The following ELMO1 variants were observed in gnomAD, a reference collection of about 807,000 sequenced individuals.
ELMO1 encodes the protein engulfment and cell motility 1, also known as engulfment and cell motility protein 1.
ELMO1 carries 26 observed loss-of-function variants against 98.9 expected under a neutral mutation model. That is an observed-to-expected ratio of 0.26 (90% CI 0.19 to 0.36). ELMO1 has a LOEUF of 0.36. Among genes scored for constraint, ELMO1 ranks in the 10% least tolerant of loss-of-function variants. The probability of loss-of-function intolerance (pLI) is 1.00; values close to 1 mark genes in which losing one functional copy is unlikely to be tolerated. For synonymous variants in ELMO1, 346 were observed against 346.0 expected, an observed-to-expected ratio of 1.00 and a Z score of 0.00; for missense variants, 627 against 935.2, an observed-to-expected ratio of 0.67 and a Z score of 4.30.
chr7:37,034,405 T>TA (rs945853978), intron 15 of ELMO1, among the ~76,000 whole-genome samples: 4 of 152,184 alleles, frequency 2.6e-5, no homozygotes, highest in Non-Finnish European at 4.4e-5. Flanking sequence ...ATGATTTTTT[T>TA]AAAAAATTAT....
intron 15 of ELMO1, among the ~76,000 whole-genome samples, chr7:37,014,487 A>G (rs1793782294): frequency 6.6e-6 from 1 of 152,138 alleles, no homozygotes; most frequent in Non-Finnish European, 1.5e-5. Context: ...GGTTTGTTAC[A>G]TAGGTATATA....
chr7:37,404,361 T>C (rs1803663470), intron 1 of ELMO1, among the ~76,000 whole-genome samples: 1 of 152,124 alleles, frequency 6.6e-6, no homozygotes, highest in Admixed American at 6.5e-5. Flanking sequence ...TGCGCCATGA[T>C]TTCTATGGGT....
At chr7:37,276,567 C>T (rs893914741) in intron 4 of ELMO1, among the ~76,000 whole-genome samples, 5 of 152,280 alleles carry the variant, frequency 3.3e-5, no homozygotes, top group East Asian at 1.9e-4. Context: ...GCCGAGATTA[C>T]GCCACTGCAC....
At chr7:37,072,325 A>T (rs1351228734) in intron 15 of ELMO1, among the ~76,000 whole-genome samples, 2 of 152,282 alleles carry the variant, frequency 1.3e-5, no homozygotes, top group African/African-American at 2.4e-5. Flanking sequence ...TGCTGTTCTC[A>T]TTATAGTAAA....
intron 10 of ELMO1, among the ~76,000 whole-genome samples, chr7:37,219,790 A>G (rs1793493645): frequency 6.6e-6 from 1 of 152,238 alleles, no homozygotes; most frequent in Non-Finnish European, 1.5e-5. Context: ...AAACAGAAAT[A>G]ATGTGGCTTT....
chr7:36,952,670 T>G (rs761727748), intron 16 of ELMO1, among the ~76,000 whole-genome samples: 2 of 152,114 alleles, frequency 1.3e-5, no homozygotes, highest in African/African-American at 4.8e-5. Flanking sequence ...GAAGCGGGAA[T>G]TGTAATGATG....
At chr7:36,960,606 C>T (rs575034772) in intron 16 of ELMO1, among the ~76,000 whole-genome samples, 2 of 152,006 alleles carry the variant, frequency 1.3e-5, no homozygotes, top group African/African-American at 4.8e-5. Context: ...CCATCCCCCC[C>T]ACTCACTCAC....
At chr7:36,965,159 T>G (rs1295763138) in intron 16 of ELMO1, among the ~76,000 whole-genome samples, 1 of 152,244 alleles carries the variant, frequency 6.6e-6, no homozygotes, top group Non-Finnish European at 1.5e-5. Flanking sequence ...CCTTTCCCCA[T>G]GAGTTCTCTC....
chr7:37,298,479 G>T (rs1345177670), intron 4 of ELMO1, among the ~76,000 whole-genome samples: 1 of 135,664 alleles, frequency 7.4e-6, no homozygotes, highest in African/African-American at 2.8e-5. Flanking sequence ...ACAGTCCCCA[G>T]AGTGTGATAT....
At chr7:37,356,496 T>C (rs1801500915) in intron 1 of ELMO1, among the ~76,000 whole-genome samples, 1 of 152,114 alleles carries the variant, frequency 6.6e-6, no homozygotes, top group African/African-American at 2.4e-5. Context: ...CTGGAAACCA[T>C]TATTCTCAGC....
intron 4 of ELMO1, among the ~76,000 whole-genome samples, chr7:37,305,208 A>T (rs1798548527): frequency 6.6e-6 from 1 of 152,240 alleles, no homozygotes; most frequent in African/African-American, 2.4e-5. Flanking sequence ...TCACTTTCTC[A>T]AAATTGAGCA....
intron 1 of ELMO1, among the ~76,000 whole-genome samples, chr7:37,408,816 A>G (rs561366455): frequency 6.6e-6 from 1 of 152,320 alleles, no homozygotes; most frequent in Non-Finnish European, 1.5e-5. Context: ...CTCACAATGA[A>G]AAAGCTCTAG....
chr7:37,185,473 T>C (rs938062610), intron 13 of ELMO1, among the ~76,000 whole-genome samples: 1 of 152,222 alleles, frequency 6.6e-6, no homozygotes, highest in African/African-American at 2.4e-5. Context: ...GTCCACTTTC[T>C]GGGCAGGGGC....
chr7:37,220,763 C>T (rs1341914796), intron 10 of ELMO1, among the ~76,000 whole-genome samples: 1 of 152,114 alleles, frequency 6.6e-6, no homozygotes, highest in Non-Finnish European at 1.5e-5. Flanking sequence ...GTGAAATGGC[C>T]TTTAGAGTGG....
At chr7:37,405,650 C>T (rs6977706) in intron 1 of ELMO1, among the ~76,000 whole-genome samples, 45,709 of 151,994 alleles carry the variant, frequency 0.3, 7,146 homozygotes, top group South Asian at 0.35. Flanking sequence ...CTCAAGGCGT[C>T]GGGCTTGTTA....
chr7:37,222,559 T>C (rs370041996), intron 10 of ELMO1, 56 bp downstream of exon 10: 107 of 1,553,902 alleles, frequency 6.9e-5, no homozygotes, highest in Middle Eastern at 1.7e-4. Flanking sequence ...GGGCGTTCTC[T>C]GCACACAAAG....
At chr7:37,316,058 A>C in intron 2 of ELMO1, 98 bp from the exon 3 acceptor site, 1 of 976,226 alleles carries the variant, frequency 1.0e-6, no homozygotes, top group Non-Finnish European at 1.5e-6. Context: ...CTAAGCAAAG[A>C]GAATTTACAT....
intron 13 of ELMO1, among the ~76,000 whole-genome samples, chr7:37,148,200 T>C (rs967846358): frequency 6.6e-6 from 1 of 152,228 alleles, no homozygotes; most frequent in Admixed American, 6.5e-5. Context: ...ATACATTTCA[T>C]CCAAAGATGT....
intron 15 of ELMO1, 38 bp downstream of exon 15, chr7:37,096,581 G>T: frequency 6.4e-7 from 1 of 1,573,128 alleles, no homozygotes; most frequent in Non-Finnish European, 8.7e-7. Context: ...CTGGGACTCT[G>T]CCAGCTTCAC....
Sources: gnomAD v4.1 joint callset for allele counts (sites outside exome capture counted in the v4.1 genomes callset) on GRCh38, gnomAD v4.1.1 for gene constraint, MANE v1.5 for transcripts, NCBI Gene and HGNC (gene_info 2026-07-23, HGNC 2026-07-21) for gene names.